MYCBP2: variants seen among roughly 807,000 people sequenced by gnomAD.
MYCBP2 encodes the protein E3 ubiquitin-protein ligase MYCBP2.
A neutral mutation model predicts 525.3 loss-of-function variants in MYCBP2; 120 were observed. The observed-to-expected ratio is 0.23, with a 90% confidence interval of 0.20 to 0.27. MYCBP2 has a LOEUF of 0.27. MYCBP2 is among the 10% of genes least tolerant of loss of function. The probability of loss-of-function intolerance (pLI) is 1.00; values close to 1 mark genes in which losing one functional copy is unlikely to be tolerated. For missense variants in MYCBP2, 4,149 were observed against 5,657.1 expected (o/e 0.73, Z 8.55); for synonymous variants, 1,894 against 1,955.8 (o/e 0.97, Z 0.83).
At chr13:77,264,481 C>T (rs1170781221) in intron 8 of MYCBP2, among the ~76,000 whole-genome samples, 2 of 152,194 alleles carry the variant, frequency 1.3e-5, no homozygotes, top group South Asian at 4.1e-4. Flanking sequence ...TATTCAAAAC[C>T]AGTTGTACAT....
intron 3 of MYCBP2, among the ~76,000 whole-genome samples, chr13:77,280,745 C>A (rs2076105436): frequency 1.3e-5 from 2 of 152,280 alleles, no homozygotes; most frequent in Non-Finnish European, 1.5e-5. Flanking sequence ...GGTGGGCTGC[C>A]TAGAAACAGA....
rs760927462 is a variant in MYCBP2 at position 77,067,595 on chromosome 13, C to T, written c.12441G>A (p.Met4147Ile). ...CAATAACTAACCTGGAATTGAAAAT[C>T]ATCGGAAGAGTAACTGTTGTAACTC... ...GKGVTTVTLPMIFNSSYLRRG... is the reference protein window; with the variant it reads ...GKGVTTVTLPIIFNSSYLRRG... The change falls in exon 71 of 83, where the codon ATG becomes ATA. Residue 4147 changes from methionine (M) to isoleucine (I), a missense_variant. By Grantham distance (10) the Met-to-Ile change is conservative (BLOSUM62 1). This residue lies in a region of MYCBP2 where 148 missense variants were observed against 179.4 expected (regional missense o/e 0.82). Transcript: ENST00000544440. The T allele has an allele frequency of 6.2e-7, 1 of 1,613,954 alleles. No homozygotes were observed. Among genetic ancestry groups the T allele is most frequent in the South Asian group, 1.1e-5 (1 of 91,054 alleles).
chr13:77,263,988 C>A lies in MYCBP2; in HGVS notation c.1372G>T (p.Gly458Cys), dbSNP rs2073711280. ...CCATCAGTGAATAAAATATTTTGAC[C>A]TTCAGTGTGGCAATCTGTGCAAAAG... ...TVMLPDCHTE[G>C]QNILFTDGEY... The change falls in exon 9 of 83, where the codon GGT becomes TGT. Residue 458 changes from glycine to cysteine, a missense_variant. This residue lies in a region of MYCBP2 where 262 missense variants were observed against 419.3 expected (regional missense o/e 0.62). Transcript: ENST00000544440. 6.2e-7 allele frequency: 1 copy of A among 1,611,546 alleles called. No individual in the cohort carries two copies. The highest frequency in any genetic ancestry group is 2.2e-5 in the East Asian group (1 of 44,776).
chr13:77,063,323 C>T lies in MYCBP2; in HGVS notation c.12673-626G>A, dbSNP rs535937989. ...CTGTAATCCCAGCACTTTGGGAGGC[C>T]AAGGTGGGTGGATCACCTGAGGTCA... On this transcript the variant is annotated intron_variant, in intron 73 of 82. Coordinates refer to ENST00000544440, the MANE Select transcript of MYCBP2 (RefSeq NM_015057.5). Among the ~76,000 whole-genome samples the T allele has an allele frequency of 1.7e-3, 258 of 152,178 alleles. 1 individual carries two copies. Among genetic ancestry groups the T allele is most frequent in the Middle Eastern group, 0.014 (4 of 294 alleles).
intron 2 of MYCBP2, among the ~76,000 whole-genome samples, chr13:77,294,133 T>C (rs1385466121): frequency 3.9e-5 from 5 of 127,270 alleles, no homozygotes; most frequent in Admixed American, 8.2e-5. Context: ...TATATATACA[T>C]ATATATATAC....
intron 17 of MYCBP2, 111 bp from the exon 18 acceptor site, chr13:77,233,374 T>A: frequency 1.2e-6 from 1 of 855,148 alleles, no homozygotes; most frequent in Non-Finnish European, 1.8e-6. Flanking sequence ...TTAACGGTTT[T>A]GGACATTATA....
chr13:77,305,127 T>C (rs1247128045), intron 1 of MYCBP2, among the ~76,000 whole-genome samples: 3 of 152,174 alleles, frequency 2.0e-5, no homozygotes, highest in Middle Eastern at 3.4e-3. Flanking sequence ...TAGACTCTTT[T>C]AGACAATATA....
chr13:77,051,531 T>TCTTCAGTGCACGTTTC (rs2036814011), intron 81 of MYCBP2, among the ~76,000 whole-genome samples: 2 of 152,188 alleles, frequency 1.3e-5, no homozygotes, highest in African/African-American at 2.4e-5. Context: ...GGGGAAAACC[T>TCTTCAGTGCACGTTTC]AAAAGTTTCA....
intron 30 of MYCBP2, among the ~76,000 whole-genome samples, chr13:77,188,058 G>A (rs1173837557): frequency 2.1e-5 from 3 of 141,578 alleles, no homozygotes; most frequent in Non-Finnish European, 3.0e-5. Flanking sequence ...GCGACAGAGC[G>A]AGACTCTGCC....
At chr13:77,233,942 C>G (rs911165879) in intron 17 of MYCBP2, among the ~76,000 whole-genome samples, 2 of 151,690 alleles carry the variant, frequency 1.3e-5, no homozygotes, top group Admixed American at 6.6e-5. Context: ...GCACCTAACC[C>G]AAATAACATT....
chr13:77,245,839 T>C (rs941085677), intron 15 of MYCBP2, among the ~76,000 whole-genome samples: 2 of 121,810 alleles, frequency 1.6e-5, no homozygotes, highest in Non-Finnish European at 3.8e-5. Context: ...TATATATGTA[T>C]ATATATATGT....
intron 52 of MYCBP2, among the ~76,000 whole-genome samples, chr13:77,130,975 T>A (rs559313885): frequency 1.3e-5 from 2 of 152,328 alleles, no homozygotes. Context: ...GTCAACAACA[T>A]GTACAATGAT....
chr13:77,303,324 C>G (rs1594789336), intron 1 of MYCBP2, among the ~76,000 whole-genome samples: 1 of 152,222 alleles, frequency 6.6e-6, no homozygotes, highest in East Asian at 1.9e-4. Context: ...CAGAGCGAGA[C>G]TCCGTCTCAA....
At chr13:77,253,373 G>A (rs1376601013) in intron 14 of MYCBP2, among the ~76,000 whole-genome samples, 2 of 151,752 alleles carry the variant, frequency 1.3e-5, no homozygotes, top group African/African-American at 4.8e-5. Context: ...CCATCCAAAT[G>A]CCCAAATACT....
rs1295163011 is a variant in MYCBP2 at position 77,045,513 on chromosome 13, G to A, written c.13922-20C>T. ...TGGGACCTGTATAAATTTGAAGGAGGCAAAGGAAAATAATGTTTTAAGAAT... is the reference window on the plus strand; with the variant it reads ...TGGGACCTGTATAAATTTGAAGGAGACAAAGGAAAATAATGTTTTAAGAAT... On this transcript the variant is annotated intron_variant, in intron 82 of 82. Transcript: ENST00000544440. 5.4e-6 allele frequency: 8 copies of A among 1,488,488 alleles called. No individual in the cohort carries two copies. Among genetic ancestry groups the A allele is most frequent in the Admixed American group, 1.7e-5 (1 of 58,620 alleles). 92.2% of individuals were successfully genotyped at this position (1,488,488 alleles called of 1,614,324 possible).
At chr13:77,059,937 A>G (rs2038963502) in intron 76 of MYCBP2, among the ~76,000 whole-genome samples, 2 of 152,164 alleles carry the variant, frequency 1.3e-5, no homozygotes, top group Non-Finnish European at 2.9e-5. Flanking sequence ...CCTGACTCCA[A>G]ATGCACAATA....
intron 20 of MYCBP2, among the ~76,000 whole-genome samples, chr13:77,219,707 G>A (rs1426997573): frequency 2.0e-5 from 3 of 152,180 alleles, no homozygotes; most frequent in African/African-American, 4.8e-5. Context: ...TACATCTGTT[G>A]CAATGTACAT....
intron 27 of MYCBP2, 122 bp from the exon 28 acceptor site, chr13:77,191,935 A>G (rs2061335837): frequency 4.3e-6 from 4 of 935,132 alleles, no homozygotes; most frequent in Non-Finnish European, 6.4e-6. Flanking sequence ...ATTCTTATCA[A>G]ACAACATTAA....
intron 5 of MYCBP2, among the ~76,000 whole-genome samples, chr13:77,273,091 C>T (rs974783606): frequency 6.6e-6 from 1 of 152,128 alleles, no homozygotes; most frequent in Admixed American, 6.5e-5. Flanking sequence ...CAGATTGATA[C>T]CATATCTTTT....
Sources: allele counts gnomAD v4.1 joint callset (sites outside exome capture counted in the v4.1 genomes callset), GRCh38; gene constraint gnomAD v4.1.1; regional missense constraint gnomAD v4.1.1; transcripts MANE v1.5; gene names NCBI Gene and HGNC (gene_info 2026-07-23, HGNC 2026-07-21).